CRTC3: variants seen among roughly 807,000 people sequenced by gnomAD.
The protein encoded by CRTC3 is CREB regulated transcription coactivator 3, also known as CREB-regulated transcription coactivator 3.
A neutral mutation model predicts 74.5 loss-of-function variants in CRTC3; 26 were observed. The ratio of observed to expected loss-of-function variants is 0.35; its 90% CI spans 0.26 to 0.48. The LOEUF is 0.48. Among genes scored for constraint, CRTC3 ranks in the 20% least tolerant of loss-of-function variants. The pLI, the probability that CRTC3 is intolerant of heterozygous loss-of-function variation, is 0.99. For synonymous variants in CRTC3, 377 were observed against 325.8 expected (o/e 1.16, Z -1.69); for missense variants, 760 against 787.3 (o/e 0.97, Z 0.41).
At chr15:90,577,034 G>GTTTTC (rs1967422605) in intron 2 of CRTC3, among the ~76,000 whole-genome samples, 1 of 19,082 alleles carries the variant, frequency 5.2e-5, no homozygotes, top group African/African-American at 1.3e-4. Context: ...TTTGTTTTTT[G>GTTTTC]TTTTGTTTTG....
At chr15:90,575,075 T>C (rs1967371542) in intron 2 of CRTC3, among the ~76,000 whole-genome samples, 1 of 152,196 alleles carries the variant, frequency 6.6e-6, no homozygotes, top group South Asian at 2.1e-4. Flanking sequence ...GTTGGCTGGA[T>C]GCAGTGGCTC....
rs184163464 is a variant in CRTC3 at position 90,641,815 on chromosome 15, T to A, written c.1652-117T>A. The A allele has an allele frequency of 1.7e-3, 1,275 of 745,676 alleles. 6 individuals are homozygous for A. The highest frequency in any genetic ancestry group is 2.3e-4 in the Non-Finnish European group (101 of 430,664). The allele number at this position is 745,676 out of a possible 1,614,324, so 46.2% of individuals were successfully genotyped here. A position where few individuals can be genotyped will look rare whatever the true frequency, so the allele number is the denominator to read the frequency against. ...AGGGCAAGAACTGTGGGCCTGGGGG[T>A]GGTCAGGATGTGTGGGATAGCAGTT... On this transcript the variant is annotated intron_variant, in intron 14 of 14. Coordinates refer to ENST00000268184, the MANE Select transcript of CRTC3 (RefSeq NM_022769.5).
chr15:90,545,209 T>C (rs1327197952), intron 2 of CRTC3, among the ~76,000 whole-genome samples: 1 of 152,146 alleles, frequency 6.6e-6, no homozygotes, highest in Non-Finnish European at 1.5e-5. Flanking sequence ...AACATTTCAT[T>C]GTATGTGGAT....
At chr15:90,640,519 C>G (rs1357938883) in intron 13 of CRTC3, among the ~76,000 whole-genome samples, 1 of 151,958 alleles carries the variant, frequency 6.6e-6, no homozygotes, top group African/African-American at 2.4e-5. Context: ...AAGACCCTGT[C>G]TCTAAAAAAA....
chr15:90,568,936 A>G (rs1967189409), intron 2 of CRTC3, among the ~76,000 whole-genome samples: 1 of 152,166 alleles, frequency 6.6e-6, no homozygotes, highest in African/African-American at 2.4e-5. Flanking sequence ...TTTTTCATGC[A>G]TAATGCTATT....
chr15:90,534,464 C>A (rs1166096854), intron 1 of CRTC3, among the ~76,000 whole-genome samples: 3 of 152,064 alleles, frequency 2.0e-5, no homozygotes, highest in Non-Finnish European at 4.4e-5. Context: ...GATTTGGCTG[C>A]CTAGGAAGAA....
rs571087529 is a variant in CRTC3 at position 90,629,524 on chromosome 15, A to G, written c.1258A>G (p.Thr420Ala). The G allele has an allele frequency of 6.8e-6, 11 of 1,613,106 alleles. No homozygotes were observed. The African/African-American group carries it at 8.0e-5, about 12-fold the overall frequency. ...AACCAGCCCACTGGCCCCATATCCTACCTCCCAGGTAAACACACACAGACA... is the reference window on the plus strand; with the variant it reads ...AACCAGCCCACTGGCCCCATATCCTGCCTCCCAGGTAAACACACACAGACA... ...SSTSPLAPYP[T>A]SQMVSSDRSQ... The change falls in exon 11 of 15, where the codon ACC becomes GCC. Residue 420 changes from threonine (T) to alanine (A), a missense_variant. Thr to Ala is a moderately conservative substitution (Grantham distance 58). This residue lies in a region of CRTC3 where 652 missense variants were observed against 635.2 expected (regional missense o/e 1.03). Transcript: ENST00000268184.
In CRTC3 at chr15:90,638,347, A is replaced by C. The variant is rs1969313962; in HGVS notation, c.1267-99A>C. On this transcript the variant is annotated intron_variant, in intron 11 of 14. Transcript: ENST00000268184. ...TTGCACAGAACACCGCGGTGAGGAA[A>C]ATCTCAGGCTTCCTCTCACTCTGAC... The C allele has an allele frequency of 3.2e-5, 33 of 1,032,490 alleles. No individual in the cohort carries two copies. The South Asian group carries it at 4.2e-4, about 13-fold the overall frequency. The allele number at this position is 1,032,490 out of a possible 1,614,324, so 64.0% of individuals were successfully genotyped here. A position where few individuals can be genotyped will look rare whatever the true frequency, so the allele number is the denominator to read the frequency against.
intron 1 of CRTC3, chr15:90,539,643 C>A: frequency 4.0e-6 from 1 of 252,282 alleles, no homozygotes; most frequent in South Asian, 4.3e-5. Context: ...CAGTTCTTAC[C>A]ATAAATGTAA....
intron 11 of CRTC3, 126 bp downstream of exon 11, chr15:90,629,658 T>C (rs2151093003): frequency 1.2e-6 from 1 of 835,032 alleles, no homozygotes; most frequent in South Asian, 1.7e-5. Flanking sequence ...AGGTCTCAAG[T>C]GCAGTCTGTT....
Position 90,530,153 on chromosome 15 carries a change from G to T in CRTC3, c.82G>T (p.Glu28Ter), listed in dbSNP as rs867267649. 1 of 1,444,208 alleles carries T rather than the reference G, an allele frequency of 6.9e-7. No individual in the cohort carries two copies. The highest frequency in any genetic ancestry group is 3.1e-5 in the East Asian group (1 of 31,860). The allele number at this position is 1,444,208 out of a possible 1,614,324, so 89.5% of individuals were successfully genotyped here. ...KIALHTQRQA[E>*]ETRAFEQLMT... The stretch of plus-strand genomic sequence containing the variant: ...CGCGCTGCACACGCAGAGACAGGCC[G>T]AGGAGACGCGGGCCTTCGAGCAGCT... Residue 28 changes from glutamate to a stop codon, truncating the protein, a stop_gained, in exon 1 of 15, where the codon GAG (glutamate) becomes TAG (stop). Transcript: ENST00000268184. LOFTEE classifies it high-confidence loss of function. This position sits in a 1 kb window ranked among gnomAD's most constrained non-coding sequence, Gnocchi z 6.2.
intron 10 of CRTC3, among the ~76,000 whole-genome samples, chr15:90,628,226 A>C (rs1968910893): frequency 6.6e-6 from 1 of 150,812 alleles, no homozygotes; most frequent in Non-Finnish European, 1.5e-5. Context: ...CAAAAAAAAT[A>C]ATAATAATAA....
intron 8 of CRTC3, 194 bp downstream of exon 8, chr15:90,618,162 C>A: frequency 1.0e-4 from 30 of 288,228 alleles, no homozygotes; most frequent in Non-Finnish European, 1.5e-4. Flanking sequence ...TGAATTAGCA[C>A]ATTGATCTCT....
At chr15:90,573,542 A>G (rs1935988279) in intron 2 of CRTC3, among the ~76,000 whole-genome samples, 3 of 97,808 alleles carry the variant, frequency 3.1e-5, no homozygotes. Flanking sequence ...GAGATTTGAG[A>G]GAGGGTTCCC....
chr15:90,577,054 G>A (rs1196900213), intron 2 of CRTC3, among the ~76,000 whole-genome samples: 1 of 151,234 alleles, frequency 6.6e-6, no homozygotes, highest in Non-Finnish European at 1.5e-5. Context: ...GTTTTGTTTT[G>A]TTTTTTTGAG....
At chr15:90,578,500 G>A (rs2151072354) in intron 2 of CRTC3, among the ~76,000 whole-genome samples, 1 of 152,158 alleles carries the variant, frequency 6.6e-6, no homozygotes, top group African/African-American at 2.4e-5. Flanking sequence ...GGTATAGTAA[G>A]CTGAGATCGC....
chr15:90,540,136 A>T lies in CRTC3; in HGVS notation c.230A>T (p.Gln77Leu). The change falls in exon 2 of 15, where the codon CAG (glutamine) becomes CTG (leucine). Residue 77 changes from glutamine (Q) to leucine (L), a missense_variant and splice_region_variant. This residue lies in a region of CRTC3 where 108 missense variants were observed against 152.1 expected (regional missense o/e 0.71). Coordinates refer to ENST00000268184, the MANE Select transcript of CRTC3 (RefSeq NM_022769.5). ...SQLRSSASEF[Q>L]PSFHQADNVR... ...CTGCGGAGCAGTGCGTCAGAGTTTC[A>T]GGTACCTCCAGATATGTACTTTCTT... 6.3e-7 allele frequency: 1 copy of T among 1,591,270 alleles called. No individual in the cohort carries two copies. The highest frequency in any genetic ancestry group is 8.6e-7 in the Non-Finnish European group (1 of 1,161,868).
intron 6 of CRTC3, among the ~76,000 whole-genome samples, chr15:90,609,140 T>G (rs944418880): frequency 2.0e-5 from 3 of 152,258 alleles, no homozygotes; most frequent in Admixed American, 1.3e-4. Context: ...CTATATTTGT[T>G]CTATTGGTGC....
chr15:90,557,562 A>T (rs188434879), intron 2 of CRTC3, among the ~76,000 whole-genome samples: 1 of 152,088 alleles, frequency 6.6e-6, no homozygotes, highest in African/African-American at 2.4e-5. Context: ...GACCTTTCAC[A>T]TAGTGATCTG....
Sources: allele counts gnomAD v4.1 joint callset (sites outside exome capture counted in the v4.1 genomes callset), GRCh38; gene constraint gnomAD v4.1.1; regional missense constraint gnomAD v4.1.1; non-coding constraint Gnocchi (gnomAD v3.1); transcripts MANE v1.5; gene names NCBI Gene and HGNC (gene_info 2026-07-23, HGNC 2026-07-21).